Variants in TRAPPC10 observed in about 807,000 individuals in gnomAD.
The protein encoded by TRAPPC10 is trafficking protein particle complex subunit 10.
Under a neutral mutation model 125.5 loss-of-function variants are expected in TRAPPC10, and 23 were observed. The ratio of observed to expected loss-of-function variants is 0.18; its 90% CI spans 0.13 to 0.26. TRAPPC10 has a LOEUF of 0.26. Among genes scored for constraint, TRAPPC10 ranks in the 10% least tolerant of loss-of-function variants. The pLI is 1.00. For missense variants in TRAPPC10, 1,123 were observed against 1,308.4 expected (o/e 0.86, Z 2.19); for synonymous variants, 509 against 518.0 (o/e 0.98, Z 0.24).
At chr21:44,093,763 G>GA (rs1007104691) in intron 19 of TRAPPC10, among the ~76,000 whole-genome samples, 6 of 150,942 alleles carry the variant, frequency 4.0e-5, no homozygotes, top group South Asian at 2.1e-4. Context: ...ATTTCAAAAA[G>GA]AAAAAAAAAT....
chr21:44,053,758 T>C (rs1175286498), intron 4 of TRAPPC10, among the ~76,000 whole-genome samples: 1 of 152,196 alleles, frequency 6.6e-6, no homozygotes, highest in East Asian at 1.9e-4. Flanking sequence ...GTTCCACATG[T>C]GCCTCCAGCC....
intron 1 of TRAPPC10, among the ~76,000 whole-genome samples, chr21:44,014,720 C>A (rs1251349290): frequency 6.6e-6 from 1 of 151,904 alleles, no homozygotes; most frequent in Non-Finnish European, 1.5e-5. Context: ...GAGCCCCCAC[C>A]CTTGGCCTCA....
rs780309704 is a variant in TRAPPC10, at chr21:44,083,200, A to C, written c.2136A>C (p.Leu712=). 1.9e-6 allele frequency: 3 copies of C among 1,614,086 alleles called. No individual in the cohort carries two copies. In the African/African-American group the frequency reaches 4.0e-5, roughly 22 times the overall value. ...GAAGGCAGGAGAGCAGCTCCTCTCT[A>C]GAGATGCCCTCAGGGGTGGCTCTGG... ...LLRRQESSSS[L]EMPSGVALEE... The change falls in exon 14 of 23, where the codon CTA becomes CTC. Residue 712 remains leucine, a synonymous_variant. Coordinates refer to ENST00000291574, the MANE Select transcript of TRAPPC10 (RefSeq NM_003274.5).
Position 44,059,238 on chromosome 21 carries a change from G to A in TRAPPC10, c.790+24G>A, listed in dbSNP as rs377437026. On this transcript the variant is annotated intron_variant, in intron 6 of 22. Transcript: ENST00000291574. The surrounding 1 kb of genome is among the most constrained non-coding windows in gnomAD (Gnocchi z 4.4). Reference sequence around the variant, plus strand: ...GGGTGAGTAGTGGCACTTCAGTAACGCATGCTTTTCTTAGTGTGGCTTTCT... The same window carrying A: ...GGGTGAGTAGTGGCACTTCAGTAACACATGCTTTTCTTAGTGTGGCTTTCT... The A allele has an allele frequency of 5.1e-4, 781 of 1,539,718 alleles. 3 individuals carry two copies. Among genetic ancestry groups the A allele is most frequent in the African/African-American group, 9.4e-4 (68 of 72,306 alleles).
At chr21:44,031,355 G>GT (rs1296930956) in intron 1 of TRAPPC10, among the ~76,000 whole-genome samples, 1 of 152,178 alleles carries the variant, frequency 6.6e-6, no homozygotes, top group Non-Finnish European at 1.5e-5. Flanking sequence ...GTGTAATACA[G>GT]TTATATCATC....
intron 3 of TRAPPC10, among the ~76,000 whole-genome samples, chr21:44,038,263 A>T (rs1263428388): frequency 6.6e-6 from 1 of 152,052 alleles, no homozygotes; most frequent in Non-Finnish European, 1.5e-5. Flanking sequence ...CGTGGCGCCG[A>T]GCGTGGTCGT....
Sources: allele counts gnomAD v4.1 joint callset (sites outside exome capture counted in the v4.1 genomes callset), GRCh38; gene constraint gnomAD v4.1.1; non-coding constraint Gnocchi (gnomAD v3.1); transcripts MANE v1.5; gene names NCBI Gene and HGNC (gene_info 2026-07-23, HGNC 2026-07-21).